Variants in MID1 observed in about 807,000 individuals in gnomAD.
The protein encoded by MID1 is midline 1.
Under a neutral mutation model 40.4 loss-of-function variants are expected in MID1, and 7 were observed. That is an observed-to-expected ratio of 0.17 (90% CI 0.10 to 0.33). The LOEUF is 0.33. Among genes scored for constraint, MID1 ranks in the 10% least tolerant of loss-of-function variants. The pLI is 1.00. For missense variants in MID1, 367 were observed against 558.5 expected, an observed-to-expected ratio of 0.66 and a Z score of 3.46; for synonymous variants, 229 against 221.2, an observed-to-expected ratio of 1.04 and a Z score of -0.31.
chrX:10,653,107 G>A (rs770243879), intron 1 of MID1, among the ~76,000 whole-genome samples: 2 of 111,920 alleles, frequency 1.8e-5, no homozygotes, highest in East Asian at 5.6e-4. Flanking sequence ...ATGTGCTGCT[G>A]GTGCTCAATA....
At chrX:10,828,277 G>T (rs2044228908) in intron 1 of MID1, among the ~76,000 whole-genome samples, 1 of 111,291 alleles carries the variant, frequency 9.0e-6, no homozygotes, top group Admixed American at 9.6e-5. Flanking sequence ...TTAGCGCATG[G>T]GATACATTCT....
rs1253482464 is a variant in MID1, at chrX:10,449,160, A to G, written c.*208T>C. 1.1e-5 allele frequency: 4 copies of G among 364,371 alleles called. No homozygotes were observed. Among genetic ancestry groups the G allele is most frequent in the African/African-American group, 1.0e-4 (4 of 39,601 alleles). 30.0% of individuals were successfully genotyped at this position (364,371 alleles called of 1,213,427 possible). On this transcript the variant is annotated 3_prime_UTR_variant, in exon 10 of 10. Transcript: ENST00000317552. ...ATCTATAGATTTTCCTCTAAATACAAAAAAATTAAAGAAATTATTAAAGCC... is the reference window on the plus strand; with the variant it reads ...ATCTATAGATTTTCCTCTAAATACAGAAAAATTAAAGAAATTATTAAAGCC...
At chrX:10,501,926 A>AT (rs747600427) in intron 3 of MID1, among the ~76,000 whole-genome samples, 121 of 111,780 alleles carry the variant, frequency 1.1e-3, no homozygotes, top group African/African-American at 3.9e-3. Flanking sequence ...GAGGACAAAT[A>AT]TTTTTTCCTT....
At chrX:10,506,042 A>T in intron 3 of MID1, 2 of 769,013 alleles carry the variant, frequency 2.6e-6, no homozygotes, top group Non-Finnish European at 3.1e-6. Flanking sequence ...GAAAATGTTA[A>T]GCTTTGTTCT....
rs775197915 is a variant in MID1, at chrX:10,465,214, T to TACACACAC, written c.1285+4475_1285+4482dup. 7.9e-3 allele frequency among the ~76,000 whole-genome samples: 313 copies of TACACACAC among 39,852 alleles called. 7 individuals are homozygous for TACACACAC. Among genetic ancestry groups the TACACACAC allele is most frequent in the African/African-American group, 0.034 (240 of 7,034 alleles). 34.6% of individuals were successfully genotyped at this position (39,852 alleles called of 115,157 possible). A position where few individuals can be genotyped will look rare whatever the true frequency, so the allele number is the denominator to read the frequency against. ...ATATATATATATATATATATATATATACACACACACACACACACACACACA... is the reference window on the plus strand; with the variant it reads ...ATATATATATATATATATATATATATACACACACACACACACACACACACACACACACA... On this transcript the variant is annotated intron_variant, in intron 7 of 9. Coordinates refer to ENST00000317552, the MANE Select transcript of MID1 (RefSeq NM_000381.4).
chrX:10,722,994 G>A (rs985514079), intron 1 of MID1, among the ~76,000 whole-genome samples: 1 of 111,068 alleles, frequency 9.0e-6, no homozygotes. Flanking sequence ...AGTCAGTAAT[G>A]CTACCCAGTG....
chrX:10,744,893 C>T (rs765784638), intron 1 of MID1, among the ~76,000 whole-genome samples: 3 of 111,935 alleles, frequency 2.7e-5, no homozygotes, highest in Non-Finnish European at 5.6e-5. Flanking sequence ...ATGACTCAGA[C>T]CAGGCTGATC....
intron 4 of MID1, among the ~76,000 whole-genome samples, chrX:10,487,088 G>A (rs1474598963): frequency 9.0e-6 from 1 of 111,645 alleles, no homozygotes; most frequent in African/African-American, 3.3e-5. Flanking sequence ...TCAAACTCCT[G>A]GGCTCAAGTG....
intron 1 of MID1, among the ~76,000 whole-genome samples, chrX:10,788,922 G>A (rs1254924047): frequency 8.9e-6 from 1 of 112,434 alleles, no homozygotes; most frequent in Non-Finnish European, 1.9e-5. Flanking sequence ...CTTGAGTCCA[G>A]GAGTTTGAGA....
chrX:10,483,512 C>T (rs1930453887), intron 4 of MID1, among the ~76,000 whole-genome samples: 1 of 112,124 alleles, frequency 8.9e-6, no homozygotes, highest in Admixed American at 9.4e-5. Flanking sequence ...ATGAAGTCCT[C>T]TAGCCAGAAG....
At chrX:10,609,047 G>A (rs757163387) in intron 1 of MID1, among the ~76,000 whole-genome samples, 5 of 111,539 alleles carry the variant, frequency 4.5e-5, no homozygotes, top group Admixed American at 9.5e-5. Context: ...ATACTATTTG[G>A]TGTTGTTTTA....
intron 2 of MID1, among the ~76,000 whole-genome samples, chrX:10,534,100 TGATG>T (rs1485097220): frequency 9.0e-6 from 1 of 111,000 alleles, no homozygotes; most frequent in East Asian, 2.8e-4. Context: ...CCCCTGATAC[TGATG>T]GATGTCATAC....
intron 1 of MID1, among the ~76,000 whole-genome samples, chrX:10,669,063 C>CA (rs1447932311): frequency 9.5e-6 from 1 of 105,112 alleles, no homozygotes. Flanking sequence ...ACTAAAAATA[C>CA]AAAAAATTAG....
At chrX:10,450,277 T>C (rs1266429759) in intron 9 of MID1, among the ~76,000 whole-genome samples, 2 of 112,480 alleles carry the variant, frequency 1.8e-5, no homozygotes, top group African/African-American at 6.5e-5. Flanking sequence ...CTTTTGACCT[T>C]CTTATAATTT....
intron 2 of MID1, among the ~76,000 whole-genome samples, chrX:10,536,670 G>C (rs1933267591): frequency 8.9e-6 from 1 of 112,282 alleles, no homozygotes; most frequent in Non-Finnish European, 1.9e-5. Flanking sequence ...AGGTAGACCA[G>C]GAGTTCTCAA....
At chrX:10,670,054 C>G (rs917985013) in intron 1 of MID1, among the ~76,000 whole-genome samples, 2 of 112,036 alleles carry the variant, frequency 1.8e-5, no homozygotes, top group African/African-American at 6.5e-5. Context: ...CTGGGCCATT[C>G]TCTGAGATTC....
At chrX:10,571,012 TG>T (rs1934707411) in intron 1 of MID1, among the ~76,000 whole-genome samples, 1 of 112,341 alleles carries the variant, frequency 8.9e-6, no homozygotes, top group Non-Finnish European at 1.9e-5. Context: ...CCAGTGCTAA[TG>T]GGAAATGATA....
intron 1 of MID1, among the ~76,000 whole-genome samples, chrX:10,790,772 TCAACA>T (rs1294320495): frequency 8.9e-6 from 1 of 112,238 alleles, no homozygotes; most frequent in East Asian, 2.8e-4. Context: ...TCTTTTCCAG[TCAACA>T]CCCTAACATT....
chrX:10,771,658 A>ATTTTTTTTTTTTTT (rs765034374), intron 1 of MID1, among the ~76,000 whole-genome samples: 2 of 82,303 alleles, frequency 2.4e-5, no homozygotes, highest in Non-Finnish European at 4.7e-5. Flanking sequence ...TGCCTGGCTA[A>ATTTTTTTTTTTTTT]TTTTTTTTTT....
Sources: gnomAD v4.1 joint callset for allele counts (sites outside exome capture counted in the v4.1 genomes callset) on GRCh38, gnomAD v4.1.1 for gene constraint, MANE v1.5 for transcripts, NCBI Gene and HGNC (gene_info 2026-07-23, HGNC 2026-07-21) for gene names.